Variants in MCTP1 observed in about 807,000 individuals in gnomAD.
MCTP1 encodes the protein multiple C2 and transmembrane domain-containing protein 1.
MCTP1 carries 69 observed loss-of-function variants against 120.6 expected under a neutral mutation model. The ratio of observed to expected loss-of-function variants is 0.57; its 90% CI spans 0.47 to 0.70. MCTP1 has a LOEUF of 0.70. Among genes scored for constraint, MCTP1 ranks in the 30% least tolerant of loss-of-function variants. MCTP1 has a pLI of 0.00. For missense variants in MCTP1, 1,203 were observed against 1,248.8 expected, an observed-to-expected ratio of 0.96 and a Z score of 0.55; for synonymous variants, 529 against 493.1, an observed-to-expected ratio of 1.07 and a Z score of -0.96.
intron 14 of MCTP1, 63 bp downstream of exon 14, chr5:94,871,252 C>CT (rs201600301): frequency 0.081 from 64,577 of 799,048 alleles, 7 homozygotes; most frequent in South Asian, 0.1. Flanking sequence ...GTTTTCTTTT[C>CT]TTTTTTTTTT....
chr5:94,857,356 C>T (rs1432730856), intron 17 of MCTP1, among the ~76,000 whole-genome samples: 1 of 151,634 alleles, frequency 6.6e-6, no homozygotes, highest in African/African-American at 2.4e-5. Context: ...TGATGAATGG[C>T]ATTTTTCCGT....
At chr5:95,024,906 G>A (rs1485198915) in intron 1 of MCTP1, among the ~76,000 whole-genome samples, 3 of 152,090 alleles carry the variant, frequency 2.0e-5, no homozygotes, top group Non-Finnish European at 4.4e-5. Context: ...ACATTGATGG[G>A]AGATATTGAA....
chr5:94,835,845 A>T (rs897829087), intron 17 of MCTP1, among the ~76,000 whole-genome samples: 2 of 152,140 alleles, frequency 1.3e-5, no homozygotes, highest in African/African-American at 2.4e-5. Flanking sequence ...TCTACTAAAA[A>T]TACAAAAAAT....
chr5:95,265,853 C>T (rs1244140704), intron 1 of MCTP1, among the ~76,000 whole-genome samples: 1 of 152,112 alleles, frequency 6.6e-6, no homozygotes, highest in Admixed American at 6.6e-5. Context: ...TGTGTGTAGG[C>T]GGCAGTCAGC....
intron 4 of MCTP1, among the ~76,000 whole-genome samples, chr5:94,940,973 T>C (rs1401636974): frequency 6.7e-6 from 1 of 149,986 alleles, no homozygotes; most frequent in Non-Finnish European, 1.5e-5. Flanking sequence ...TTATGTGGTT[T>C]TGAGGAGAGG....
At chr5:94,827,359 C>T (rs1164521012) in intron 17 of MCTP1, among the ~76,000 whole-genome samples, 2 of 152,168 alleles carry the variant, frequency 1.3e-5, no homozygotes, top group African/African-American at 4.8e-5. Context: ...GATAGGCTTA[C>T]CTTTGTGGGT....
At chr5:94,826,395 C>G in intron 17 of MCTP1, 1 of 622,266 alleles carries the variant, frequency 1.6e-6, no homozygotes, top group Admixed American at 2.1e-5. Flanking sequence ...CCTTTTGGCT[C>G]ACACCATTGA....
intron 1 of MCTP1, among the ~76,000 whole-genome samples, chr5:95,045,738 A>G (rs1843028708): frequency 6.6e-6 from 1 of 152,174 alleles, no homozygotes; most frequent in African/African-American, 2.4e-5. Flanking sequence ...TATACCAAAC[A>G]TGTGATATAT....
chr5:94,946,311 T>C (rs1818906752), intron 3 of MCTP1, among the ~76,000 whole-genome samples: 1 of 152,100 alleles, frequency 6.6e-6, no homozygotes, highest in Non-Finnish European at 1.5e-5. Flanking sequence ...AGCAAAGTAC[T>C]GAATCCGTTC....
At position 95,082,727 on chromosome 5, in the gene MCTP1, C is replaced by G. The variant is rs189056791; in HGVS notation, c.721-65243G>C. 1.9e-3 allele frequency among the ~76,000 whole-genome samples: 289 copies of G among 152,108 alleles called. 1 individual carries two copies. Among genetic ancestry groups the G allele is most frequent in the Middle Eastern group, 3.4e-3 (1 of 294 alleles). ...TCATTTTGGTACTAGTGTTGGAGAT[C>G]TAGTGTATGTTTTGCACTTGTGTGA... On this transcript the variant is annotated intron_variant, in intron 1 of 22. Transcript: ENST00000515393.
chr5:94,866,627 A>G (rs561290150), intron 17 of MCTP1, among the ~76,000 whole-genome samples: 2 of 151,562 alleles, frequency 1.3e-5, no homozygotes, highest in African/African-American at 2.4e-5. Flanking sequence ...CTACCAGCTA[A>G]GAGAACTATT....
At position 94,714,905 on chromosome 5, in the gene MCTP1, G is replaced by A. The variant is rs1758505831; in HGVS notation, c.2611-19C>T. 1 of 1,421,548 alleles carries A rather than the reference G, an allele frequency of 7.0e-7. No individual in the cohort carries two copies. Among genetic ancestry groups the A allele is most frequent in the Non-Finnish European group, 9.9e-7 (1 of 1,006,868 alleles). 88.1% of individuals were successfully genotyped at this position (1,421,548 alleles called of 1,614,324 possible). ...CACTGTCCTAAAATGCAATAAAAAAGAAATTCTGTATGAGTAAAGGTATTC... is the reference window on the plus strand; with the variant it reads ...CACTGTCCTAAAATGCAATAAAAAAAAAATTCTGTATGAGTAAAGGTATTC... On this transcript the variant is annotated intron_variant, in intron 19 of 22. Coordinates refer to ENST00000515393, the MANE Select transcript of MCTP1 (RefSeq NM_024717.7).
Position 94,979,855 on chromosome 5 carries a change from G to A in MCTP1, c.839-26494C>T, listed in dbSNP as rs1314408056. Reference sequence around the variant, plus strand: ...CTTAGGTTAAATCATTGATATATCGGGTTTATCTGTTTAGTTATATATCTT... The same window carrying A: ...CTTAGGTTAAATCATTGATATATCGAGTTTATCTGTTTAGTTATATATCTT... On this transcript the variant is annotated intron_variant, in intron 2 of 22. Coordinates refer to ENST00000515393, the MANE Select transcript of MCTP1 (RefSeq NM_024717.7). Among the ~76,000 whole-genome samples the A allele has an allele frequency of 4.6e-5, 7 of 151,830 alleles. No individual in the cohort carries two copies. In the South Asian group the frequency reaches 6.2e-4, roughly 14 times the overall value.
chr5:94,858,845 C>G (rs1291167505), intron 17 of MCTP1, among the ~76,000 whole-genome samples: 1 of 151,668 alleles, frequency 6.6e-6, no homozygotes, highest in Non-Finnish European at 1.5e-5. Context: ...TATCCTGAAG[C>G]TGGGTTTGGG....
At position 94,979,145 on chromosome 5, in the gene MCTP1, G is replaced by A. The variant is rs549908824; in HGVS notation, c.839-25784C>T. The A allele has an allele frequency of 1.1e-4, 16 of 152,160 alleles. No individual in the cohort carries two copies. In the South Asian group the frequency reaches 3.3e-3, roughly 32 times the overall value. The allele number at this position is 152,160 out of a possible 1,614,324, so 9.4% of individuals were successfully genotyped here. A position where few individuals can be genotyped will look rare whatever the true frequency, so the allele number is the denominator to read the frequency against. On this transcript the variant is annotated intron_variant, in intron 2 of 22. Transcript: ENST00000515393. ...ACAACAAACAAGAGGATTCTTCCCA[G>A]ACAGAAAAGTTCTAATCAAACAATT...
intron 2 of MCTP1, among the ~76,000 whole-genome samples, chr5:95,005,709 A>T (rs1381526681): frequency 6.6e-6 from 1 of 151,746 alleles, no homozygotes; most frequent in Non-Finnish European, 1.5e-5. Context: ...AGGCCTCCTC[A>T]GAAAGAGAAC....
chr5:94,954,185 T>TATATATACATATATATATATGC (rs1208027735), intron 2 of MCTP1, among the ~76,000 whole-genome samples: 1 of 125,518 alleles, frequency 8.0e-6, no homozygotes, highest in African/African-American at 3.2e-5. Flanking sequence ...TATATATGCA[T>TATATATACATATATATATATGC]ATATATATAT....
At chr5:95,216,996 A>G (rs1003035043) in intron 1 of MCTP1, among the ~76,000 whole-genome samples, 1 of 152,214 alleles carries the variant, frequency 6.6e-6, no homozygotes, top group African/African-American at 2.4e-5. Context: ...TCCAAAGGGT[A>G]TATCACTAGC....
chr5:94,828,645 G>A (rs1225055769), intron 17 of MCTP1, among the ~76,000 whole-genome samples: 1 of 152,202 alleles, frequency 6.6e-6, no homozygotes, highest in Non-Finnish European at 1.5e-5. Context: ...TTTCAAAGAT[G>A]CCCTGCCCAG....
Sources: gnomAD v4.1 joint callset for allele counts (sites outside exome capture counted in the v4.1 genomes callset) on GRCh38, gnomAD v4.1.1 for gene constraint, MANE v1.5 for transcripts, NCBI Gene and HGNC (gene_info 2026-07-23, HGNC 2026-07-21) for gene names.